The following CD5 variants were observed in gnomAD, a reference collection of about 807,000 sequenced individuals.
CD5 encodes T-cell surface glycoprotein CD5.
CD5 carries 36 observed loss-of-function variants against 60.3 expected under a neutral mutation model. The ratio of observed to expected loss-of-function variants is 0.60; its 90% CI spans 0.46 to 0.79. CD5 has a LOEUF of 0.79. Among genes scored for constraint, CD5 ranks in the 30% least tolerant of loss-of-function variants. The pLI is 0.00. For missense variants in CD5, 540 were observed against 630.6 expected, an observed-to-expected ratio of 0.86 and a Z score of 1.54; for synonymous variants, 230 against 257.6, an observed-to-expected ratio of 0.89 and a Z score of 1.03.
Position 61,111,393 on chromosome 11 carries a change from G to A in CD5, c.56-3663G>A, listed in dbSNP as rs143522339. On this transcript the variant is annotated intron_variant, in intron 1 of 10. Coordinates refer to ENST00000347785, the MANE Select transcript of CD5 (RefSeq NM_014207.4). ...TATACCAGGAACGTACTCAACTCTCGTGATGGGGCTGTGTGGAAGATTAAC... is the reference window on the plus strand; with the variant it reads ...TATACCAGGAACGTACTCAACTCTCATGATGGGGCTGTGTGGAAGATTAAC... Among the ~76,000 whole-genome samples the A allele has an allele frequency of 1.0e-3, 152 of 152,298 alleles. 1 individual carries two copies. Among genetic ancestry groups the A allele is most frequent in the African/African-American group, 3.5e-3 (146 of 41,560 alleles).
chr11:61,105,778 T>C (rs953360158), intron 1 of CD5, among the ~76,000 whole-genome samples: 2 of 152,198 alleles, frequency 1.3e-5, no homozygotes, highest in Admixed American at 6.5e-5. Flanking sequence ...CAGGAGTCCC[T>C]GCCCTCAAGG....
intron 1 of CD5, among the ~76,000 whole-genome samples, chr11:61,108,412 G>T (rs921939285): frequency 4.6e-5 from 7 of 152,262 alleles, no homozygotes; most frequent in African/African-American, 1.7e-4. Flanking sequence ...GCCTCTCCTG[G>T]TGTAAGCCCA....
At chr11:61,103,428 C>T (rs981180534) in intron 1 of CD5, among the ~76,000 whole-genome samples, 2 of 152,172 alleles carry the variant, frequency 1.3e-5, no homozygotes, top group Admixed American at 6.5e-5. Flanking sequence ...CAGGAGGATG[C>T]GAGCAGCTTC....
chr11:61,126,757 G>A lies in CD5; in HGVS notation c.*472G>A, dbSNP rs1861153921. ...CCTCTTCTGTGCAGCATCCACCCCT[G>A]CGGATCCCTCTGGGGAGGACAGGAA... On this transcript the variant is annotated 3_prime_UTR_variant, in exon 11 of 11. Coordinates refer to ENST00000347785, the MANE Select transcript of CD5 (RefSeq NM_014207.4). The A allele has an allele frequency of 6.6e-6, 1 of 152,226 alleles. No individual in the cohort carries two copies. The highest frequency in any genetic ancestry group is 2.4e-5 in the African/African-American group (1 of 41,424). The allele number at this position is 152,226 out of a possible 1,614,324, so 9.4% of individuals were successfully genotyped here.
At chr11:61,109,646 G>A (rs1053359232) in intron 1 of CD5, among the ~76,000 whole-genome samples, 2 of 152,104 alleles carry the variant, frequency 1.3e-5, no homozygotes, top group African/African-American at 4.8e-5. Context: ...GGAATGAGAG[G>A]GACAGGGAGG....
rs373077326 is a variant in CD5, at chr11:61,119,203, T to C, written c.464-31T>C. The C allele has an allele frequency of 3.6e-5, 56 of 1,537,090 alleles. No individual in the cohort carries two copies. The African/African-American group carries it at 7.0e-4, about 19-fold the overall frequency. ...CCCAGGAAGCCCTCGGCGCTCAGGGTGGCTCCCCCTCCTGCTCTCTCCTCT... is the reference window on the plus strand; with the variant it reads ...CCCAGGAAGCCCTCGGCGCTCAGGGCGGCTCCCCCTCCTGCTCTCTCCTCT... On this transcript the variant is annotated intron_variant, in intron 4 of 10. Coordinates refer to ENST00000347785, the MANE Select transcript of CD5 (RefSeq NM_014207.4).
At position 61,119,692 on chromosome 11, in the gene CD5, G is replaced by A; in HGVS notation, c.805+117G>A. On this transcript the variant is annotated intron_variant, in intron 5 of 10. Coordinates refer to ENST00000347785, the MANE Select transcript of CD5 (RefSeq NM_014207.4). ...CACAGGGCACTATGGAGAATACAAG[G>A]GAAGTGGAGGCCTGGTCTTGGCCTC... The A allele has an allele frequency of 1.2e-5, 9 of 726,278 alleles. 1 individual carries two copies. The highest frequency in any genetic ancestry group is 1.1e-4 in the South Asian group (6 of 53,792). The allele number at this position is 726,278 out of a possible 1,614,324, so 45.0% of individuals were successfully genotyped here. A position where few individuals can be genotyped will look rare whatever the true frequency, so the allele number is the denominator to read the frequency against.
chr11:61,112,413 G>T (rs566330010), intron 1 of CD5, among the ~76,000 whole-genome samples: 2 of 152,206 alleles, frequency 1.3e-5, no homozygotes, highest in African/African-American at 4.8e-5. Flanking sequence ...GGAGGCTGAG[G>T]GGGGTGGATC....
At chr11:61,116,016 C>T (rs1045133589) in intron 2 of CD5, among the ~76,000 whole-genome samples, 2 of 152,194 alleles carry the variant, frequency 1.3e-5, no homozygotes, top group Non-Finnish European at 2.9e-5. Context: ...TGTTGAGACG[C>T]GCTCGTTCTC....
chr11:61,114,896 G>A (rs1348317137), intron 1 of CD5, among the ~76,000 whole-genome samples, 160 bp from the exon 2 acceptor site: 2 of 151,980 alleles, frequency 1.3e-5, no homozygotes, highest in Non-Finnish European at 2.9e-5. Context: ...TATCACTCAG[G>A]GGTTCCAACC....
chr11:61,101,375 A>G (rs1467983583), upstream of CD5, among the ~76,000 whole-genome samples: 3 of 103,868 alleles, frequency 2.9e-5, no homozygotes, highest in African/African-American at 6.2e-5. Flanking sequence ...ACACACACAC[A>G]TCAACATGGA....
At chr11:61,123,773 G>C in intron 7 of CD5, 111 bp from the exon 8 acceptor site, 2 of 826,520 alleles carry the variant, frequency 2.4e-6, no homozygotes, top group Non-Finnish European at 4.0e-6. Flanking sequence ...GCCCTCAGCT[G>C]CACCTGCCGC....
intron 5 of CD5, among the ~76,000 whole-genome samples, chr11:61,120,302 T>G (rs1377688388): frequency 6.6e-6 from 1 of 152,178 alleles, no homozygotes; most frequent in Non-Finnish European, 1.5e-5. Context: ...TGGGTTCCCA[T>G]GGCCGGAAGT....
chr11:61,112,781 C>T (rs1398486061), intron 1 of CD5, among the ~76,000 whole-genome samples: 1 of 152,176 alleles, frequency 6.6e-6, no homozygotes, highest in Non-Finnish European at 1.5e-5. Context: ...GCAACAGCCA[C>T]GAAAGGATCT....
At chr11:61,108,338 G>C (rs1860804446) in intron 1 of CD5, among the ~76,000 whole-genome samples, 1 of 152,234 alleles carries the variant, frequency 6.6e-6, no homozygotes, top group Non-Finnish European at 1.5e-5. Flanking sequence ...CACTGGGACA[G>C]GCCCTGGGTG....
upstream of CD5, among the ~76,000 whole-genome samples, chr11:61,100,009 ACAT>A (rs755550157): frequency 6.3e-4 from 96 of 151,296 alleles, no homozygotes; most frequent in Admixed American, 1.4e-3. Flanking sequence ...TCACACACAC[ACAT>A]CAACATGGAG....
chr11:61,102,448 CTCCCTGAGCACGCCA>C, upstream of CD5: 5 of 555,754 alleles, frequency 9.0e-6, no homozygotes, highest in Middle Eastern at 5.1e-4. Context: ...CGTCCCACCC[CTCCCTGAGCACGCCA>C]CCCCGCCCTC....
intron 2 of CD5, among the ~76,000 whole-genome samples, chr11:61,115,996 C>T (rs1860936694): frequency 6.6e-6 from 1 of 152,220 alleles, no homozygotes; most frequent in African/African-American, 2.4e-5. Flanking sequence ...ATCACCCCAC[C>T]AATGTTAGGT....
chr11:61,119,639 C>A, intron 5 of CD5, 64 bp downstream of exon 5: 1 of 1,184,676 alleles, frequency 8.4e-7, no homozygotes, highest in Non-Finnish European at 1.2e-6. Flanking sequence ...CACAGAGCAT[C>A]CCAGAAGGTC....
Sources: allele counts gnomAD v4.1 joint callset (sites outside exome capture counted in the v4.1 genomes callset), GRCh38; gene constraint gnomAD v4.1.1; transcripts MANE v1.5; gene names NCBI Gene and HGNC (gene_info 2026-07-23, HGNC 2026-07-21).